ATP1A1: variants seen among roughly 807,000 people sequenced by gnomAD.
The protein encoded by ATP1A1 is sodium/potassium-transporting ATPase subunit alpha-1.
In ATP1A1, 14 loss-of-function variants were observed where a neutral mutation model predicts 114.8. The observed-to-expected ratio is 0.12, with a 90% CI of 0.08 to 0.19. ATP1A1 has a LOEUF of 0.19. Ranked by LOEUF, ATP1A1 falls within the 10% of genes least tolerant of loss-of-function variation. The pLI is 1.00. For missense variants in ATP1A1, 524 were observed against 1,290.7 expected (o/e 0.41, Z 9.10); for synonymous variants, 471 against 466.3 (o/e 1.01, Z -0.13).
Position 116,401,307 on chromosome 1 carries a change from T to C in ATP1A1, c.2849+47T>C. 6.2e-7 allele frequency: 1 copy of C among 1,610,724 alleles called. No homozygotes were observed. The highest frequency in any genetic ancestry group is 8.5e-7 in the Non-Finnish European group (1 of 1,177,116). The stretch of plus-strand genomic sequence containing the variant: ...AAGGCCTTGGCTCAAAGAAGGGGAC[T>C]GGTGATTTGTAAACCCTTTGCCAAA... On this transcript the variant is annotated intron_variant, in intron 20 of 22. Transcript: ENST00000295598. This position sits in a 1 kb window ranked among gnomAD's most constrained non-coding sequence, Gnocchi z 4.7.
chr1:116,404,733 A>G lies in ATP1A1; in HGVS notation c.*289A>G. The stretch of plus-strand genomic sequence containing the variant: ...CGGAAAGACTGAAAGAATACATTTT[A>G]TATCTGGATTTTTACAAATAAAGAT... On this transcript the variant is annotated 3_prime_UTR_variant, in exon 23 of 23. Coordinates refer to ENST00000295598, the MANE Select transcript of ATP1A1 (RefSeq NM_000701.8). The surrounding 1 kb of genome is among the most constrained non-coding windows in gnomAD (Gnocchi z 4.8). 2 of 1,205,556 alleles carry G rather than the reference A, an allele frequency of 1.7e-6. No homozygotes were observed. The highest frequency in any genetic ancestry group is 2.1e-6 in the Non-Finnish European group (2 of 972,612). The allele number at this position is 1,205,556 out of a possible 1,614,324, so 74.7% of individuals were successfully genotyped here.
rs188080309 is a variant in ATP1A1, at chr1:116,379,290, G to A, written c.13-4724G>A. 2.3e-4 allele frequency among the ~76,000 whole-genome samples: 35 copies of A among 152,248 alleles called. No individual in the cohort carries two copies. The East Asian group carries it at 6.8e-3, about 29-fold the overall frequency. ...CAAAGGGATCTACTGCTTTGGCCTT[G>A]GTAAATTATATTCTCCAGGATGCAT... On this transcript the variant is annotated intron_variant, in intron 1 of 22. Coordinates refer to ENST00000295598, the MANE Select transcript of ATP1A1 (RefSeq NM_000701.8).
At chr1:116,379,676 G>A (rs1342926353) in intron 1 of ATP1A1, among the ~76,000 whole-genome samples, 1 of 152,110 alleles carries the variant, frequency 6.6e-6, no homozygotes, top group Non-Finnish European at 1.5e-5. Flanking sequence ...CATAGAAAGC[G>A]AAAAATGGCA....
chr1:116,398,535 G>A lies in ATP1A1; in HGVS notation c.2125-86G>A. ...ATAGGAAAGGAGCAGTGTCTGTAAT[G>A]AGTGCTCAGTGGGGGCATGCATCGC... On this transcript the variant is annotated intron_variant, in intron 15 of 22. Transcript: ENST00000295598. The surrounding 1 kb of genome is among the most constrained non-coding windows in gnomAD (Gnocchi z 6.1). The A allele has an allele frequency of 6.8e-7, 1 of 1,479,994 alleles. No individual in the cohort carries two copies. Among genetic ancestry groups the A allele is most frequent in the Non-Finnish European group, 9.2e-7 (1 of 1,086,832 alleles). 91.7% of individuals were successfully genotyped at this position (1,479,994 alleles called of 1,614,324 possible).
intron 8 of ATP1A1, 72 bp from the exon 9 acceptor site, chr1:116,390,141 A>G: frequency 7.0e-7 from 1 of 1,432,078 alleles, no homozygotes; most frequent in African/African-American, 1.4e-5. Flanking sequence ...CTTCCACATT[A>G]GGATATAGCA....
At chr1:116,390,742 A>T in intron 9 of ATP1A1, 40 bp from the exon 10 acceptor site, 1 of 1,458,736 alleles carries the variant, frequency 6.9e-7, no homozygotes, top group Non-Finnish European at 9.6e-7. Context: ...CTTTGAAGTT[A>T]ATGCATTGTT....
At position 116,397,140 on chromosome 1, in the gene ATP1A1, A is replaced by G. The variant is rs1326505464; in HGVS notation, c.1973+406A>G. 6.6e-6 allele frequency among the ~76,000 whole-genome samples: 1 copy of G among 152,196 alleles called. No individual in the cohort carries two copies. The highest frequency in any genetic ancestry group is 1.5e-5 in the Non-Finnish European group (1 of 68,026). On this transcript the variant is annotated intron_variant, in intron 14 of 22. Coordinates refer to ENST00000295598, the MANE Select transcript of ATP1A1 (RefSeq NM_000701.8). This position sits in a 1 kb window ranked among gnomAD's most constrained non-coding sequence, Gnocchi z 4.2. ...CACTTTCCAGGTCCACACTAACAAA[A>G]TAAAATAAGGAAGGGACAATTACTT...
intron 1 of ATP1A1, chr1:116,382,287 T>C (rs1244600749): frequency 6.6e-6 from 1 of 152,262 alleles, no homozygotes; most frequent in East Asian, 1.9e-4. Context: ...ATGATATACC[T>C]TTAATTAAAG....
chr1:116,374,494 C>A (rs1206037703), intron 1 of ATP1A1, among the ~76,000 whole-genome samples: 2 of 152,114 alleles, frequency 1.3e-5, no homozygotes, highest in African/African-American at 4.8e-5. Flanking sequence ...AGGGCGGTCC[C>A]TGAAGGAAAC....
At position 116,401,475 on chromosome 1, in the gene ATP1A1, T is replaced by G. The variant is rs959203086; in HGVS notation, c.2850-79T>G. 1.5e-5 allele frequency: 22 copies of G among 1,489,304 alleles called. No homozygotes were observed. The highest frequency in any genetic ancestry group is 2.0e-5 in the Non-Finnish European group (21 of 1,075,858). 92.3% of individuals were successfully genotyped at this position (1,489,304 alleles called of 1,614,324 possible). ...CAGCTAATACATAAAGATGTTGATC[T>G]GCCATTTTAATGCATAGCATTAGAA... On this transcript the variant is annotated intron_variant, in intron 20 of 22. Coordinates refer to ENST00000295598, the MANE Select transcript of ATP1A1 (RefSeq NM_000701.8). The surrounding 1 kb of genome is among the most constrained non-coding windows in gnomAD (Gnocchi z 4.7).
rs1652017792 is a variant in ATP1A1, at chr1:116,385,419, A to C, written c.183+577A>C. ...TGTAACAAATGTTATAAAAGTAAAT[A>C]GTCTAGGGATGTCTTATTTCCAGAT... On this transcript the variant is annotated intron_variant, in intron 3 of 22. Coordinates refer to ENST00000295598, the MANE Select transcript of ATP1A1 (RefSeq NM_000701.8). This position sits in a 1 kb window ranked among gnomAD's most constrained non-coding sequence, Gnocchi z 4.3. 1.3e-5 allele frequency: 2 copies of C among 153,808 alleles called. 1 individual carries two copies. The highest frequency in any genetic ancestry group is 4.1e-4 in the South Asian group (2 of 4,936). The allele number at this position is 153,808 out of a possible 1,614,324, so 9.5% of individuals were successfully genotyped here. A position where few individuals can be genotyped will look rare whatever the true frequency, so the allele number is the denominator to read the frequency against.
At chr1:116,390,747 ATT>A in intron 9 of ATP1A1, 33 bp from the exon 10 acceptor site, 1 of 1,543,340 alleles carries the variant, frequency 6.5e-7, no homozygotes, top group Non-Finnish European at 9.0e-7. Context: ...AAGTTAATGC[ATT>A]GTTGTTCTGT....
At chr1:116,383,948 C>G (rs1651905321) in intron 1 of ATP1A1, 66 bp from the exon 2 acceptor site, 1 of 1,360,060 alleles carries the variant, frequency 7.4e-7, no homozygotes, top group Non-Finnish European at 1.0e-6. Flanking sequence ...ATCCCCTGCT[C>G]CAGAATTTTC....
chr1:116,391,654 T>G (rs947856460), intron 10 of ATP1A1, among the ~76,000 whole-genome samples: 2 of 152,238 alleles, frequency 1.3e-5, no homozygotes, highest in Non-Finnish European at 2.9e-5. Context: ...CCTTCTGTGA[T>G]GAGGATAGGG....
Position 116,385,210 on chromosome 1 carries a change from CT to C in ATP1A1, c.183+370del, listed in dbSNP as rs1570950657. On this transcript the variant is annotated intron_variant, in intron 3 of 22. Transcript: ENST00000295598. The surrounding 1 kb of genome is among the most constrained non-coding windows in gnomAD (Gnocchi z 4.3). ...AGTTGAATCTTTCACCTAGTTGAAT[CT>C]TCAACAATTCCCATTTTTGCACTTT... 4 of 240,902 alleles carry C rather than the reference CT, an allele frequency of 1.7e-5. No individual in the cohort carries two copies. Among genetic ancestry groups the C allele is most frequent in the Non-Finnish European group, 3.2e-5 (4 of 124,962 alleles). The allele number at this position is 240,902 out of a possible 1,614,324, so 14.9% of individuals were successfully genotyped here. A position where few individuals can be genotyped will look rare whatever the true frequency, so the allele number is the denominator to read the frequency against.
Position 116,384,486 on chromosome 1 carries a change from G to A in ATP1A1, c.124-297G>A, listed in dbSNP as rs1394109961. Among the ~76,000 whole-genome samples, 1 of 152,150 alleles carries A rather than the reference G, an allele frequency of 6.6e-6. No individual in the cohort carries two copies. The highest frequency in any genetic ancestry group is 1.5e-5 in the Non-Finnish European group (1 of 68,022). On this transcript the variant is annotated intron_variant, in intron 2 of 22. Transcript: ENST00000295598. The surrounding 1 kb of genome is among the most constrained non-coding windows in gnomAD (Gnocchi z 5.1). ...AGAATCGACCTGGTCATCAGAGAAGGCAGATAAGGTTTTACTAGATCCCTG... is the reference window on the plus strand; with the variant it reads ...AGAATCGACCTGGTCATCAGAGAAGACAGATAAGGTTTTACTAGATCCCTG...
rs1333893425 is a variant in ATP1A1, at chr1:116,395,306, T to C, written c.1836+21T>C. 6.2e-7 allele frequency: 1 copy of C among 1,611,814 alleles called. No homozygotes were observed. The highest frequency in any genetic ancestry group is 1.3e-5 in the African/African-American group (1 of 74,856). On this transcript the variant is annotated intron_variant, in intron 13 of 22. Coordinates refer to ENST00000295598, the MANE Select transcript of ATP1A1 (RefSeq NM_000701.8). The surrounding 1 kb of genome is among the most constrained non-coding windows in gnomAD (Gnocchi z 6.4). The stretch of plus-strand genomic sequence containing the variant: ...TTAAGGTAGTGCCCAGGCGCCTCCT[T>C]GGCTTCATCTCTTAGTGCCTTGGGA...
At position 116,388,470 on chromosome 1, in the gene ATP1A1, C is replaced by G. The variant is rs991104949; in HGVS notation, c.502-168C>G. ...CAGGCACACCATGTAACAGCAATAT[C>G]TCTTAAACTGGCGAGCAAGCTTTTG... On this transcript the variant is annotated intron_variant, in intron 5 of 22. Transcript: ENST00000295598. The surrounding 1 kb of genome is among the most constrained non-coding windows in gnomAD (Gnocchi z 5.6). The G allele has an allele frequency of 5.7e-6, 6 of 1,057,850 alleles. No individual in the cohort carries two copies. The African/African-American group carries it at 9.8e-5, about 17-fold the overall frequency. 65.5% of individuals were successfully genotyped at this position (1,057,850 alleles called of 1,614,324 possible).
At position 116,398,209 on chromosome 1, in the gene ATP1A1, T is replaced by C. The variant is rs1653100648; in HGVS notation, c.2124+171T>C. ...CATAGAGAGGGTGACTTGTTAATGG[T>C]TTAGCAGTGACAGAAGCACTTTAAA... On this transcript the variant is annotated intron_variant, in intron 15 of 22. Coordinates refer to ENST00000295598, the MANE Select transcript of ATP1A1 (RefSeq NM_000701.8). This position sits in a 1 kb window ranked among gnomAD's most constrained non-coding sequence, Gnocchi z 6.1. Among the ~76,000 whole-genome samples, 1 of 152,116 alleles carries C rather than the reference T, an allele frequency of 6.6e-6. No individual in the cohort carries two copies. The highest frequency in any genetic ancestry group is 2.1e-4 in the South Asian group (1 of 4,826).
Sources: gnomAD v4.1 joint callset for allele counts (sites outside exome capture counted in the v4.1 genomes callset) on GRCh38, gnomAD v4.1.1 for gene constraint, Gnocchi (gnomAD v3.1) non-coding constraint, MANE v1.5 for transcripts, NCBI Gene and HGNC (gene_info 2026-07-23, HGNC 2026-07-21) for gene names.